Variants in RGS6 observed in about 807,000 individuals in gnomAD.
RGS6 encodes the protein regulator of G protein signaling 6.
RGS6 carries 30 observed loss-of-function variants against 78.5 expected under a neutral mutation model. That is an observed-to-expected ratio of 0.38 (90% CI 0.29 to 0.52). RGS6 has a LOEUF of 0.52. Among genes scored for constraint, RGS6 ranks in the 20% least tolerant of loss-of-function variants. RGS6 has a pLI of 0.85. For synonymous variants in RGS6, 206 were observed against 206.0 expected (o/e 1.00, Z 0.00); for missense variants, 495 against 609.7 (o/e 0.81, Z 1.98).
At chr14:72,400,527 A>G (rs1490846769) in intron 3 of RGS6, among the ~76,000 whole-genome samples, 2 of 152,358 alleles carry the variant, frequency 1.3e-5, no homozygotes, top group East Asian at 1.9e-4. Flanking sequence ...GCTATAAGCT[A>G]TCGATGGAAC....
chr14:72,136,437 T>C (rs1422366953), intron 2 of RGS6, among the ~76,000 whole-genome samples: 2 of 152,166 alleles, frequency 1.3e-5, no homozygotes, highest in Non-Finnish European at 2.9e-5. Flanking sequence ...TTTAATGGAT[T>C]CACAGTTCCA....
In RGS6 at chr14:72,007,152, ATT is replaced by A. The variant is rs34446409; in HGVS notation, c.84+42288_84+42289del. Among the ~76,000 whole-genome samples, 764 of 148,886 alleles carry A rather than the reference ATT, an allele frequency of 5.1e-3. 7 individuals carry two copies. The highest frequency in any genetic ancestry group is 7.1e-3 in the Non-Finnish European group (480 of 67,184). The stretch of plus-strand genomic sequence containing the variant: ...ACCAGAGTGCTGAAAGTGCTTTCTG[ATT>A]TTTTTTTTTTCCTGTTGCTTAGAGT... On this transcript the variant is annotated intron_variant, in intron 2 of 17. Transcript: ENST00000553525.
intron 2 of RGS6, among the ~76,000 whole-genome samples, chr14:71,999,685 G>T (rs1021082188): frequency 6.6e-6 from 1 of 152,132 alleles, no homozygotes; most frequent in African/African-American, 2.4e-5. Flanking sequence ...CATGAGCTCT[G>T]GTTGTTTAAA....
At chr14:72,404,165 T>G (rs1408797224) in intron 3 of RGS6, among the ~76,000 whole-genome samples, 1 of 152,170 alleles carries the variant, frequency 6.6e-6, no homozygotes, top group East Asian at 1.9e-4. Flanking sequence ...TATTCAAGTT[T>G]CTATGAAGGT....
chr14:72,376,482 C>T (rs1596425602), intron 3 of RGS6, among the ~76,000 whole-genome samples: 1 of 152,004 alleles, frequency 6.6e-6, no homozygotes, highest in East Asian at 1.9e-4. Flanking sequence ...GAGAAAGATC[C>T]AGGAAGCTCA....
intron 1 of RGS6, among the ~76,000 whole-genome samples, chr14:71,944,363 G>GAT (rs2091149136): frequency 6.6e-6 from 1 of 152,220 alleles, no homozygotes; most frequent in African/African-American, 2.4e-5. Flanking sequence ...CCCTAAGTCA[G>GAT]ATAGTCATTG....
chr14:72,092,421 A>G (rs1567187712), intron 2 of RGS6, among the ~76,000 whole-genome samples: 1 of 150,814 alleles, frequency 6.6e-6, no homozygotes, highest in South Asian at 2.1e-4. Context: ...TCGCTCTGTC[A>G]TCCAGGCTGG....
intron 1 of RGS6, among the ~76,000 whole-genome samples, chr14:71,960,973 G>T (rs2093150190): frequency 6.6e-6 from 1 of 152,212 alleles, no homozygotes; most frequent in Non-Finnish European, 1.5e-5. Context: ...GAGAGGATCT[G>T]TGTCTGACTT....
chr14:71,876,682 G>A, the RGS6 span, among the ~76,000 whole-genome samples: 3 of 151,538 alleles, frequency 2.0e-5, no homozygotes, highest in Non-Finnish European at 4.4e-5. Flanking sequence ...TACATTTAAG[G>A]TTAATATTGT....
chr14:72,409,102 G>T (rs1170521245), intron 3 of RGS6, among the ~76,000 whole-genome samples: 4 of 152,192 alleles, frequency 2.6e-5, no homozygotes, highest in Non-Finnish European at 5.9e-5. Flanking sequence ...ATTCCAGTGA[G>T]GGGTCCCTCT....
the RGS6 span, among the ~76,000 whole-genome samples, chr14:72,618,343 T>C: frequency 9.2e-5 from 14 of 152,196 alleles, no homozygotes; most frequent in African/African-American, 3.4e-4. Context: ...CAGCCCCCTG[T>C]ATCCAGCATT....
intron 1 of RGS6, among the ~76,000 whole-genome samples, chr14:71,956,149 T>G (rs1210828933): frequency 6.6e-6 from 1 of 152,160 alleles, no homozygotes; most frequent in Admixed American, 6.5e-5. Context: ...TTTGTGGCCA[T>G]GAATTTAATG....
intron 2 of RGS6, among the ~76,000 whole-genome samples, chr14:72,229,917 C>G (rs2158987): frequency 0.97 from 148,287 of 152,298 alleles, 72,210 homozygotes; most frequent in East Asian, 1. Context: ...TCCACCATCA[C>G]TGCAAAACCC....
intron 2 of RGS6, among the ~76,000 whole-genome samples, chr14:72,202,754 G>A (rs565938131): frequency 6.6e-6 from 1 of 152,118 alleles, no homozygotes; most frequent in African/African-American, 2.4e-5. Flanking sequence ...GGGCAGGCAC[G>A]TGTTAAAAAG....
the RGS6 span, among the ~76,000 whole-genome samples, chr14:71,893,031 T>C: frequency 0.83 from 126,475 of 152,310 alleles, 52,713 homozygotes; most frequent in African/African-American, 0.85. Flanking sequence ...AACGTTCACA[T>C]TTTACAATAT....
intron 2 of RGS6, among the ~76,000 whole-genome samples, chr14:71,973,236 T>G (rs2093919186): frequency 6.6e-6 from 1 of 152,214 alleles, no homozygotes; most frequent in Non-Finnish European, 1.5e-5. Context: ...TTTTACTACT[T>G]CATAGCCTCC....
chr14:71,934,160 T>C (rs2088516338), intron 1 of RGS6, among the ~76,000 whole-genome samples: 1 of 152,182 alleles, frequency 6.6e-6, no homozygotes. Context: ...TGAGGGACAT[T>C]TGGTGAGACT....
At chr14:72,556,044 T>C (rs1018085037) in intron 17 of RGS6, among the ~76,000 whole-genome samples, 2 of 152,232 alleles carry the variant, frequency 1.3e-5, no homozygotes, top group Non-Finnish European at 2.9e-5. Context: ...AGGTGGGTCC[T>C]TTTACATTTA....
At chr14:71,967,189 G>GTATA (rs10571406) in intron 2 of RGS6, among the ~76,000 whole-genome samples, 28,042 of 145,492 alleles carry the variant, frequency 0.19, 2,832 homozygotes, top group South Asian at 0.24. Context: ...TGTGTAAAGA[G>GTATA]TATATATATA....
Sources: gnomAD v4.1 joint callset for allele counts (sites outside exome capture counted in the v4.1 genomes callset) on GRCh38, gnomAD v4.1.1 for gene constraint, MANE v1.5 for transcripts, NCBI Gene and HGNC (gene_info 2026-07-23, HGNC 2026-07-21) for gene names.